Variants in RASSF3 observed in about 807,000 individuals in gnomAD.
The protein encoded by RASSF3 is Ras association domain family member 3.
Under a neutral mutation model 19.9 loss-of-function variants are expected in RASSF3, and 19 were observed. The ratio of observed to expected loss-of-function variants is 0.96; its 90% confidence interval spans 0.67 to 1.40. RASSF3 has a LOEUF of 1.40. Ranked by LOEUF, RASSF3 falls within the 40% of genes most tolerant of loss-of-function variation. RASSF3 has a pLI of 0.00. For missense variants in RASSF3, 306 were observed against 289.8 expected (o/e 1.06, Z -0.41); for synonymous variants, 110 against 104.2 (o/e 1.06, Z -0.34).
intron 2 of RASSF3, among the ~76,000 whole-genome samples, chr12:64,578,224 A>T (rs1371949366): frequency 6.6e-6 from 1 of 152,158 alleles, no homozygotes; most frequent in Non-Finnish European, 1.5e-5. Context: ...CTCCGTCACA[A>T]AGAAGAAAAA....
intron 2 of RASSF3, among the ~76,000 whole-genome samples, chr12:64,586,520 A>G (rs1422389089): frequency 2.7e-5 from 4 of 148,214 alleles, no homozygotes; most frequent in Non-Finnish European, 3.0e-5. Context: ...AAAAAAGACT[A>G]AAAAGTAAAA....
chr12:64,555,703 C>T (rs1446029059), intron 2 of RASSF3, among the ~76,000 whole-genome samples: 1 of 151,132 alleles, frequency 6.6e-6, no homozygotes. Flanking sequence ...GAGCTGAGAT[C>T]GCACCACTGC....
At chr12:64,616,062 T>C (rs1056095735) in intron 1 of RASSF3, among the ~76,000 whole-genome samples, 2 of 152,234 alleles carry the variant, frequency 1.3e-5, no homozygotes, top group African/African-American at 4.8e-5. Context: ...GGCAAGGTGA[T>C]TTACACATCT....
intron 1 of RASSF3, among the ~76,000 whole-genome samples, chr12:64,674,695 A>G (rs1215928735): frequency 1.3e-5 from 2 of 152,138 alleles, no homozygotes; most frequent in South Asian, 4.1e-4. Flanking sequence ...TGAGGGTAGC[A>G]TGGGGGTTCT....
intron 2 of RASSF3, among the ~76,000 whole-genome samples, chr12:64,551,026 G>A (rs1422933660): frequency 6.6e-6 from 1 of 151,982 alleles, no homozygotes; most frequent in African/African-American, 2.4e-5. Flanking sequence ...CGAGATGGCT[G>A]TTTGATCTTG....
Position 64,616,938 on chromosome 12 carries a change from G to A in RASSF3, c.111+6195G>A, listed in dbSNP as rs1051183841. Among the ~76,000 whole-genome samples, 5 of 152,224 alleles carry A rather than the reference G, an allele frequency of 3.3e-5. No homozygotes were observed. In the East Asian group the frequency reaches 9.7e-4, roughly 29 times the overall value. ...CATGTCGACTCAGAAAAGTCTTAAA[G>A]CCCGCTGTTCTTTCCCTTCATAGCA... On this transcript the variant is annotated intron_variant, in intron 1 of 4. Coordinates refer to ENST00000542104, the MANE Select transcript of RASSF3 (RefSeq NM_178169.4).
chr12:64,686,791 C>T (rs958019873), intron 2 of RASSF3, among the ~76,000 whole-genome samples: 3 of 152,150 alleles, frequency 2.0e-5, no homozygotes, highest in South Asian at 2.1e-4. Flanking sequence ...CGTGCCACTG[C>T]ACTCCAGCCT....
intron 2 of RASSF3, among the ~76,000 whole-genome samples, chr12:64,583,209 G>C (rs894144995): frequency 3.3e-5 from 5 of 152,170 alleles, no homozygotes; most frequent in African/African-American, 1.2e-4. Context: ...CTCTGAGGCA[G>C]TTAATGCAGC....
chr12:64,652,882 A>G (rs954553971), intron 1 of RASSF3, among the ~76,000 whole-genome samples: 38 of 152,220 alleles, frequency 2.5e-4, no homozygotes, highest in African/African-American at 8.9e-4. Context: ...AAGGCAGCTT[A>G]AACAACAGAA....
At chr12:64,607,360 T>C (rs772323563), upstream of RASSF3, among the ~76,000 whole-genome samples, 17 of 47,912 alleles carry the variant, frequency 3.5e-4, no homozygotes, top group African/African-American at 1.3e-3. Context: ...TTCCTTCCTT[T>C]ATTTATTTAT....
chr12:64,622,718 A>G, intron 1 of RASSF3: 1 of 263,220 alleles, frequency 3.8e-6, no homozygotes, highest in African/African-American at 2.3e-5. Flanking sequence ...ATCTTTTAAA[A>G]AGATGTGAAG....
At chr12:64,533,913 G>C (rs1389356243) in intron 1 of RASSF3, among the ~76,000 whole-genome samples, 1 of 152,124 alleles carries the variant, frequency 6.6e-6, no homozygotes, top group Non-Finnish European at 1.5e-5. Flanking sequence ...GCGGCTTCGG[G>C]AAATGGGTAG....
chr12:64,610,545 G>A lies in RASSF3; in HGVS notation c.-88G>A, dbSNP rs979517787. 27 of 545,422 alleles carry A rather than the reference G, an allele frequency of 5.0e-5. No homozygotes were observed. In the African/African-American group the frequency reaches 5.0e-4, roughly 10 times the overall value. 33.8% of individuals were successfully genotyped at this position (545,422 alleles called of 1,614,324 possible). A position where few individuals can be genotyped will look rare whatever the true frequency, so the allele number is the denominator to read the frequency against. Reference sequence around the variant, plus strand: ...AAGGACTGCCCGGGGCTGCGCGCCGGGAACCTCGCGGGGCTGGCGGGCGCC... The same window carrying A: ...AAGGACTGCCCGGGGCTGCGCGCCGAGAACCTCGCGGGGCTGGCGGGCGCC... On this transcript the variant is annotated 5_prime_UTR_variant, in exon 1 of 5. Coordinates refer to ENST00000542104, the MANE Select transcript of RASSF3 (RefSeq NM_178169.4).
At chr12:64,515,081 A>C (rs1007941337) in intron 1 of RASSF3, among the ~76,000 whole-genome samples, 2 of 151,042 alleles carry the variant, frequency 1.3e-5, no homozygotes, top group African/African-American at 2.4e-5. Flanking sequence ...CTTTGAGACA[A>C]AGTCTTTCTG....
rs901734765 is a variant in RASSF3, at chr12:64,610,734, C to G, written c.102C>G (p.Ser34=). 6.3e-6 allele frequency: 10 copies of G among 1,587,412 alleles called. No individual in the cohort carries two copies. Among genetic ancestry groups the G allele is most frequent in the Non-Finnish European group, 8.6e-6 (10 of 1,168,476 alleles). ...GAGCGCCCCAGGGCAAGCCCCGCTC[C>G]GGCCAACAAGTGAGTGGCGCGCGGC... ...FRRAPQGKPR[S]GQQDVEKEKE... The change falls in exon 1 of 5, where the codon TCC becomes TCG. Residue 34 remains serine, a synonymous_variant. Coordinates refer to ENST00000542104, the MANE Select transcript of RASSF3 (RefSeq NM_178169.4).
chr12:64,543,584 C>A (rs570656046), downstream of RASSF3, among the ~76,000 whole-genome samples: 124 of 133,256 alleles, frequency 9.3e-4, no homozygotes, highest in Middle Eastern at 0.011. Context: ...ACAAGCCCCA[C>A]CCCCTGTTCC....
At chr12:64,590,395 T>C (rs901934405) in intron 2 of RASSF3, among the ~76,000 whole-genome samples, 4 of 152,190 alleles carry the variant, frequency 2.6e-5, no homozygotes, top group African/African-American at 7.2e-5. Flanking sequence ...TGTTCTACCA[T>C]GTTTACTTTG....
upstream of RASSF3, among the ~76,000 whole-genome samples, chr12:64,606,246 T>A (rs1480358456): frequency 1.3e-5 from 2 of 152,228 alleles, no homozygotes; most frequent in Non-Finnish European, 2.9e-5. Flanking sequence ...CCACTACGAC[T>A]GACTCTGCAC....
At chr12:64,583,871 T>C (rs185634814) in intron 2 of RASSF3, among the ~76,000 whole-genome samples, 1 of 152,344 alleles carries the variant, frequency 6.6e-6, no homozygotes, top group Admixed American at 6.5e-5. Context: ...ATGTGACAAA[T>C]ATGTTCGGTT....
Sources: allele counts gnomAD v4.1 joint callset (sites outside exome capture counted in the v4.1 genomes callset), GRCh38; gene constraint gnomAD v4.1.1; transcripts MANE v1.5; gene names NCBI Gene and HGNC (gene_info 2026-07-23, HGNC 2026-07-21).